The following ANGPTL6 variants were observed in gnomAD, a reference collection of about 807,000 sequenced individuals.
The protein encoded by ANGPTL6 is angiopoietin-related protein 6.
ANGPTL6 carries 45 observed loss-of-function variants against 47.4 expected under a neutral mutation model. That is an observed-to-expected ratio of 0.95 (90% CI 0.75 to 1.22). The LOEUF is 1.22. Among genes scored for constraint, ANGPTL6 ranks in the 50% most tolerant of loss-of-function variants. The probability of loss-of-function intolerance (pLI) is 0.00; values close to 1 mark genes in which losing one functional copy is unlikely to be tolerated. For missense variants in ANGPTL6, 698 were observed against 669.4 expected, an observed-to-expected ratio of 1.04 and a Z score of -0.47; for synonymous variants, 290 against 295.9, an observed-to-expected ratio of 0.98 and a Z score of 0.20.
At chr19:10,095,030 G>A in intron 2 of ANGPTL6, 92 bp from the exon 3 acceptor site, 1 of 1,299,764 alleles carries the variant, frequency 7.7e-7, no homozygotes, top group Non-Finnish European at 1.0e-6. Context: ...AAATCTCCCA[G>A]CTCCCAAATG....
chr19:10,103,360 C>T (rs1460090435), upstream of ANGPTL6, among the ~76,000 whole-genome samples: 2 of 151,762 alleles, frequency 1.3e-5, no homozygotes, highest in African/African-American at 4.8e-5. Flanking sequence ...GAGGCCGGGG[C>T]AGGTGGATTA....
At chr19:10,105,064 G>A (rs1298835541), upstream of ANGPTL6, among the ~76,000 whole-genome samples, 4 of 152,154 alleles carry the variant, frequency 2.6e-5, no homozygotes, top group African/African-American at 9.7e-5. Flanking sequence ...CTGTCCAAAG[G>A]CCCCACCGAC....
chr19:10,093,162 G>T, intron 5 of ANGPTL6, 187 bp downstream of exon 5: 1 of 756,266 alleles, frequency 1.3e-6, no homozygotes, highest in Non-Finnish European at 2.1e-6. Context: ...ATCAGAGAAG[G>T]AATCTGGACT....
chr19:10,102,234 CG>C (rs1230149491), intron 1 of ANGPTL6, among the ~76,000 whole-genome samples: 3 of 151,402 alleles, frequency 2.0e-5, no homozygotes, highest in African/African-American at 7.3e-5. Flanking sequence ...CCTGTGGGCC[CG>C]GAGGAGGACT....
In ANGPTL6 at chr19:10,093,634, A is replaced by C. The variant is rs773953402; in HGVS notation, c.952-15T>G. ...CCAAAGCCCGCCTGGCAGGGCAGGA[A>C]AGTCAGGAAGCCAGAACAGGCTCCC... On this transcript the variant is annotated splice_polypyrimidine_tract_variant and intron_variant, in intron 4 of 5. Coordinates refer to ENST00000253109, the MANE Select transcript of ANGPTL6 (RefSeq NM_031917.3). 2.5e-6 allele frequency: 4 copies of C among 1,613,242 alleles called. No individual in the cohort carries two copies. Among genetic ancestry groups the C allele is most frequent in the Non-Finnish European group, 2.5e-6 (3 of 1,179,332 alleles).
intron 2 of ANGPTL6, among the ~76,000 whole-genome samples, chr19:10,095,195 G>A (rs1199116985): frequency 6.6e-6 from 1 of 152,178 alleles, no homozygotes; most frequent in Non-Finnish European, 1.5e-5. Context: ...ATCACCTGAG[G>A]TCAGGAGTTC....
At chr19:10,095,878 T>G in intron 2 of ANGPTL6, 104 bp downstream of exon 2, 1 of 712,520 alleles carries the variant, frequency 1.4e-6, no homozygotes, top group South Asian at 7.2e-5. Context: ...AGGAATCCGG[T>G]TTTCAGGGTT....
At chr19:10,095,342 G>A (rs764146752) in intron 2 of ANGPTL6, among the ~76,000 whole-genome samples, 3 of 152,170 alleles carry the variant, frequency 2.0e-5, no homozygotes, top group Non-Finnish European at 2.9e-5. Context: ...AACCTGGGAG[G>A]TGGAGGTTGC....
chr19:10,103,299 C>T (rs1053796358), upstream of ANGPTL6, among the ~76,000 whole-genome samples: 1 of 151,826 alleles, frequency 6.6e-6, no homozygotes, highest in Non-Finnish European at 1.5e-5. Flanking sequence ...CACATTAACA[C>T]CCAGCGAAAG....
chr19:10,095,935 C>T, intron 2 of ANGPTL6, 47 bp downstream of exon 2: 4 of 1,148,262 alleles, frequency 3.5e-6, no homozygotes, highest in Non-Finnish European at 4.4e-6. Flanking sequence ...GTTGCAAAAC[C>T]CCCATTTCAC....
Position 10,095,997 on chromosome 19 carries a change from C to T in ANGPTL6, c.567G>A (p.Ala189=). 3.7e-6 allele frequency: 5 copies of T among 1,341,392 alleles called. No homozygotes were observed. Among genetic ancestry groups the T allele is most frequent in the Non-Finnish European group, 4.8e-6 (5 of 1,041,894 alleles). The allele number at this position is 1,341,392 out of a possible 1,614,324, so 83.1% of individuals were successfully genotyped here. ...ARLERLCPGG[A]GGQQQVLPPP... ...GCGAGGTTACCTGCTGCTGCCCGCC[C>T]GCGCCTCCCGGGCACAGGCGCTCCA... The change falls in exon 2 of 6, where the codon GCG becomes GCA. Residue 189 remains alanine, a synonymous_variant. Transcript: ENST00000253109.
upstream of ANGPTL6, chr19:10,102,729 C>G (rs73922324): frequency 3.4e-5 from 33 of 984,708 alleles, no homozygotes; most frequent in African/African-American, 5.1e-4. Flanking sequence ...CCCCCAGAGC[C>G]TGGGAGTGGA....
intron 1 of ANGPTL6, among the ~76,000 whole-genome samples, chr19:10,097,985 T>C (rs976977402): frequency 6.8e-6 from 1 of 146,298 alleles, no homozygotes; most frequent in Non-Finnish European, 1.5e-5. Flanking sequence ...CTGGGCAACG[T>C]ATCCAGACCC....
intron 2 of ANGPTL6, 63 bp from the exon 3 acceptor site, chr19:10,095,001 A>C: frequency 6.9e-7 from 1 of 1,454,406 alleles, no homozygotes. Flanking sequence ...GCCTGGTCTC[A>C]GGGGCAGAAA....
In ANGPTL6 at chr19:10,093,829, C is replaced by T; in HGVS notation, c.815G>A (p.Gly272Glu). The change falls in exon 4 of 6, where the codon GGA becomes GAA. Residue 272 changes from glycine to glutamate, a missense_variant. By Grantham distance (98) the Gly-to-Glu change is moderately conservative. Coordinates refer to ENST00000253109, the MANE Select transcript of ANGPTL6 (RefSeq NM_031917.3). The part of the protein sequence containing the change: ...EARQAGHEQS[G>E]VYELRVGRHV... ...ACGGCCCACTCGCAGTTCATACACT[C>T]CACTCTGTTCATGGCCTGCCTGGCG... The T allele has an allele frequency of 1.2e-6, 2 of 1,613,206 alleles. No individual in the cohort carries two copies. The highest frequency in any genetic ancestry group is 1.7e-6 in the Non-Finnish European group (2 of 1,180,046).
At chr19:10,095,657 T>C (rs1455231148) in intron 2 of ANGPTL6, among the ~76,000 whole-genome samples, 3 of 152,164 alleles carry the variant, frequency 2.0e-5, no homozygotes, top group Non-Finnish European at 4.4e-5. Context: ...ATAACACGGC[T>C]GGATTTAGAC....
At chr19:10,093,209 G>A (rs1275274447) in intron 5 of ANGPTL6, 140 bp downstream of exon 5, 21 of 1,197,360 alleles carry the variant, frequency 1.8e-5, no homozygotes. Context: ...CCTGACCTTT[G>A]TTCTCTTGAC....
chr19:10,092,772 A>T lies in ANGPTL6; in HGVS notation c.1230T>A (p.Cys410Ter). The T allele has an allele frequency of 6.3e-7, 1 of 1,599,012 alleles. No homozygotes were observed. Among genetic ancestry groups the T allele is most frequent in the South Asian group, 1.1e-5 (1 of 90,400 alleles). Reference sequence around the variant, plus strand: ...ACCAGCCTCCCCGCTGGTACAGGGCACAGTTACCTGAGGGGAGAGAGAGAG... The same window carrying T: ...ACCAGCCTCCCCGCTGGTACAGGGCTCAGTTACCTGAGGGGAGAGAGAGAG... ...DRDRDSYSGN[C>*]ALYQRGGWWY... The change falls in exon 6 of 6, where the codon TGT (cysteine) becomes TGA (stop). Residue 410 changes from cysteine (C) to a stop codon, truncating the protein, a stop_gained. Coordinates refer to ENST00000253109, the MANE Select transcript of ANGPTL6 (RefSeq NM_031917.3). LOFTEE classifies it high-confidence loss of function.
chr19:10,106,181 A>C (rs2088815524), upstream of ANGPTL6: 2 of 796,930 alleles, frequency 2.5e-6, no homozygotes, highest in Non-Finnish European at 3.8e-6. Flanking sequence ...TGCAGCCCGG[A>C]GCCGCGTAGC....
Sources: gnomAD v4.1 joint callset for allele counts (sites outside exome capture counted in the v4.1 genomes callset) on GRCh38, gnomAD v4.1.1 for gene constraint, MANE v1.5 for transcripts, NCBI Gene and HGNC (gene_info 2026-07-23, HGNC 2026-07-21) for gene names.